Variants in PLS3 observed in about 807,000 individuals in gnomAD.
PLS3 encodes the protein plastin-3.
In PLS3, 11 loss-of-function variants were observed where a neutral mutation model predicts 46.5. The observed-to-expected ratio is 0.24, with a 90% CI of 0.15 to 0.39. PLS3 has a LOEUF of 0.39. Ranked by LOEUF, PLS3 falls within the 10% of genes least tolerant of loss-of-function variation. The probability of loss-of-function intolerance (pLI) is 1.00; values close to 1 mark genes in which losing one functional copy is unlikely to be tolerated. For missense variants in PLS3, 308 were observed against 461.8 expected (o/e 0.67, Z 3.05); for synonymous variants, 167 against 162.2 (o/e 1.03, Z -0.22).
intron 1 of PLS3, among the ~76,000 whole-genome samples, chrX:115,607,612 C>T (rs1239956075): frequency 3.6e-5 from 4 of 109,758 alleles, no homozygotes; most frequent in African/African-American, 1.3e-4. Flanking sequence ...GATTCTCCTG[C>T]CTCACTCAAC....
chrX:115,582,741 A>T (rs1351531792), intron 1 of PLS3, among the ~76,000 whole-genome samples: 2 of 112,466 alleles, frequency 1.8e-5, no homozygotes, highest in Non-Finnish European at 3.8e-5. Flanking sequence ...ACATTTTTTT[A>T]AAAAATTAAG....
chrX:115,618,711 C>T (rs1465942153), intron 2 of PLS3, among the ~76,000 whole-genome samples: 2 of 111,751 alleles, frequency 1.8e-5, no homozygotes, highest in Non-Finnish European at 3.8e-5. Context: ...GCCTGGCCAA[C>T]ATGACGAAAC....
intron 7 of PLS3, among the ~76,000 whole-genome samples, chrX:115,635,650 CAAAAAAA>C (rs10606256): frequency 4.6e-5 from 1 of 21,910 alleles, no homozygotes; most frequent in African/African-American, 1.0e-4. Flanking sequence ...GACTCTGTCT[CAAAAAAA>C]AAAAAAAAAA....
intron 5 of PLS3, among the ~76,000 whole-genome samples, chrX:115,631,787 A>G (rs782707393): frequency 9.0e-6 from 1 of 111,029 alleles, no homozygotes; most frequent in African/African-American, 3.3e-5. Flanking sequence ...CAGTGAAGAA[A>G]TAATTTCCCA....
At chrX:115,640,800 C>G (rs1172573471) in intron 9 of PLS3, among the ~76,000 whole-genome samples, 1 of 111,466 alleles carries the variant, frequency 9.0e-6, no homozygotes, top group Non-Finnish European at 1.9e-5. Context: ...TGGATTACAA[C>G]CACAGTAATA....
chrX:115,625,064 C>T (rs781952088), intron 3 of PLS3, among the ~76,000 whole-genome samples: 1 of 111,741 alleles, frequency 8.9e-6, no homozygotes, highest in South Asian at 3.8e-4. Context: ...AATGTCTGTC[C>T]GCACCCATCT....
At position 115,647,796 on chromosome X, in the gene PLS3, C is replaced by T. The variant is rs1418019950; in HGVS notation, c.1636-97C>T. The T allele has an allele frequency of 5.3e-6, 6 of 1,141,968 alleles. No individual in the cohort carries two copies. In the African/African-American group the frequency reaches 5.4e-5, roughly 10 times the overall value. 94.1% of individuals were successfully genotyped at this position (1,141,968 alleles called of 1,213,427 possible). On this transcript the variant is annotated intron_variant, in intron 14 of 15. Coordinates refer to ENST00000355899, the MANE Select transcript of PLS3 (RefSeq NM_005032.7). ...GTTGGGCTAATGGCACAATTCTTTA[C>T]GAATTCACTGGGCTTTGTTTTTGGC... is the stretch of plus-strand genomic sequence containing the variant.
In PLS3 at chrX:115,636,943, T is replaced by A; in HGVS notation, c.856T>A (p.Trp286Arg). 8.3e-7 allele frequency: 1 copy of A among 1,210,060 alleles called. No individual in the cohort carries two copies. Among genetic ancestry groups the A allele is most frequent in the Non-Finnish European group, 1.1e-6 (1 of 894,509 alleles). The part of the protein sequence containing the change: ...WANFHLENSG[W>R]QKINNFSADI... ...AAACTTTCATTTGGAAAACTCGGGCTGGCAAAAAATTAACAACTTTAGTGC... is the reference window on the plus strand; with the variant it reads ...AAACTTTCATTTGGAAAACTCGGGCAGGCAAAAAATTAACAACTTTAGTGC... The change falls in exon 8 of 16, where the codon TGG (tryptophan) becomes AGG (arginine). Residue 286 changes from tryptophan to arginine, a missense_variant. Physicochemically the swap from Trp to Arg is moderately radical, Grantham distance 101. This residue lies in a region of PLS3 where 271 missense variants were observed against 435.7 expected (regional missense o/e 0.62). Transcript: ENST00000355899.
chrX:115,593,386 C>A (rs1191715328), intron 1 of PLS3, among the ~76,000 whole-genome samples: 1 of 110,651 alleles, frequency 9.0e-6, no homozygotes, highest in Non-Finnish European at 1.9e-5. Flanking sequence ...GTAAATGCTG[C>A]ATTTAAATTA....
intron 12 of PLS3, 64 bp from the exon 13 acceptor site, chrX:115,646,334 GACAC>G (rs1284622508): frequency 1.2e-5 from 13 of 1,070,627 alleles, no homozygotes; most frequent in Non-Finnish European, 1.5e-5. Context: ...CATTATACAA[GACAC>G]ACACACACGT....
In PLS3 at chrX:115,649,432, T is replaced by C; in HGVS notation, c.1764T>C (p.Tyr588=). 1 of 1,205,362 alleles carries C rather than the reference T, an allele frequency of 8.3e-7. No homozygotes were observed. The highest frequency in any genetic ancestry group is 1.7e-5 in the African/African-American group (1 of 57,726). ...TEDDKHNNAK[Y]AVSMARRIGA... is the part of the protein sequence containing the mutation. ...ATTTTGTTTCCCCCTAAAATAGGTA[T>C]GCAGTGTCAATGGCTAGAAGAATCG... Residue 588 remains tyrosine, a synonymous_variant, in exon 16 of 16, where the codon TAT becomes TAC. Transcript: ENST00000355899.
rs782304068 is a variant in PLS3 at position 115,621,591 on chromosome X, A to G, written c.74-655A>G. On this transcript the variant is annotated intron_variant, in intron 2 of 15. Transcript: ENST00000355899. ...TTTTAAAAGCTTCAGAATAAACATCATTCATTTAATCAGCACTTCAAGACA... is the reference window on the plus strand; with the variant it reads ...TTTTAAAAGCTTCAGAATAAACATCGTTCATTTAATCAGCACTTCAAGACA... 3.1e-4 allele frequency among the ~76,000 whole-genome samples: 35 copies of G among 111,280 alleles called. No individual in the cohort carries two copies. In the South Asian group the frequency reaches 3.4e-3, roughly 11 times the overall value.
At chrX:115,617,005 T>A (rs2074604048) in intron 2 of PLS3, among the ~76,000 whole-genome samples, 1 of 111,577 alleles carries the variant, frequency 9.0e-6, no homozygotes, top group Non-Finnish European at 1.9e-5. Context: ...CAGGAAAGCC[T>A]AAGGATATGT....
At chrX:115,587,530 T>C (rs990547299) in intron 1 of PLS3, among the ~76,000 whole-genome samples, 1 of 111,273 alleles carries the variant, frequency 9.0e-6, no homozygotes, top group African/African-American at 3.3e-5. Context: ...GGTCAGGAGA[T>C]CGAGACCATC....
At chrX:115,597,851 C>T (rs782479272) in intron 1 of PLS3, among the ~76,000 whole-genome samples, 2 of 111,258 alleles carry the variant, frequency 1.8e-5, no homozygotes, top group Admixed American at 9.6e-5. Flanking sequence ...TTTGAGGTAC[C>T]TAATGATGTC....
chrX:115,626,219 A>G (rs1233989672), intron 3 of PLS3, among the ~76,000 whole-genome samples: 1 of 112,221 alleles, frequency 8.9e-6, no homozygotes, highest in East Asian at 2.8e-4. Flanking sequence ...AGAAAGTAAA[A>G]TGCAAATTCT....
intron 15 of PLS3, 26 bp from the exon 16 acceptor site, chrX:115,649,403 C>T: frequency 8.5e-7 from 1 of 1,172,477 alleles, no homozygotes; most frequent in Non-Finnish European, 1.2e-6. Flanking sequence ...AGAATTTCAT[C>T]CTGATTTTGT....
chrX:115,627,230 A>C (rs2074720328), intron 3 of PLS3, among the ~76,000 whole-genome samples: 1 of 112,013 alleles, frequency 8.9e-6, no homozygotes, highest in Admixed American at 9.5e-5. Flanking sequence ...TTTTTCTGTG[A>C]CATAAACAAA....
chrX:115,608,853 T>C (rs1305259202), intron 1 of PLS3, among the ~76,000 whole-genome samples: 1 of 110,670 alleles, frequency 9.0e-6, no homozygotes, highest in African/African-American at 3.3e-5. Flanking sequence ...TCAGAACACA[T>C]CTCTGTCTTT....
Sources: gnomAD v4.1 joint callset for allele counts (sites outside exome capture counted in the v4.1 genomes callset) on GRCh38, gnomAD v4.1.1 for gene constraint, gnomAD v4.1.1 regional missense constraint, MANE v1.5 for transcripts, NCBI Gene and HGNC (gene_info 2026-07-23, HGNC 2026-07-21) for gene names.